The following TAFA1 variants were observed in gnomAD, a reference collection of about 807,000 sequenced individuals.
TAFA1 encodes chemokine-like protein TAFA-1.
A neutral mutation model predicts 18.5 loss-of-function variants in TAFA1; 4 were observed. The observed-to-expected ratio is 0.22, with a 90% CI of 0.11 to 0.49. TAFA1 has a LOEUF of 0.49. Among genes scored for constraint, TAFA1 ranks in the 20% least tolerant of loss-of-function variants. The pLI is 0.98. For missense variants in TAFA1, 147 were observed against 169.0 expected (o/e 0.87, Z 0.72); for synonymous variants, 56 against 55.2 (o/e 1.01, Z -0.06).
At chr3:68,199,211 G>T (rs1237366398) in intron 2 of TAFA1, among the ~76,000 whole-genome samples, 1 of 151,490 alleles carries the variant, frequency 6.6e-6, no homozygotes, top group African/African-American at 2.4e-5. Context: ...CTGTGTCAAT[G>T]ATTTATTTGT....
intron 3 of TAFA1, among the ~76,000 whole-genome samples, chr3:68,535,795 C>T (rs2073270568): frequency 2.0e-5 from 3 of 151,490 alleles, no homozygotes; most frequent in Admixed American, 2.0e-4. Flanking sequence ...ATGAGCTCTA[C>T]TGGCCATAGT....
At chr3:68,406,421 C>T (rs369066944) in intron 2 of TAFA1, among the ~76,000 whole-genome samples, 2 of 152,280 alleles carry the variant, frequency 1.3e-5, no homozygotes, top group South Asian at 4.1e-4. Context: ...GTAAACATAG[C>T]TATTTTTCTA....
chr3:68,181,806 TC>T (rs1194775854), intron 2 of TAFA1, among the ~76,000 whole-genome samples: 25 of 152,192 alleles, frequency 1.6e-4, no homozygotes, highest in Admixed American at 1.6e-3. Flanking sequence ...TGCAACACTT[TC>T]ATCTGTAAAA....
upstream of TAFA1, among the ~76,000 whole-genome samples, chr3:68,000,031 T>G (rs1263504572): frequency 6.6e-6 from 1 of 152,154 alleles, no homozygotes; most frequent in Non-Finnish European, 1.5e-5. Flanking sequence ...TCAGGCCATC[T>G]GCCCGCCTCG....
intron 2 of TAFA1, among the ~76,000 whole-genome samples, chr3:68,060,661 T>C (rs1490829291): frequency 1.3e-5 from 2 of 152,198 alleles, no homozygotes; most frequent in Non-Finnish European, 2.9e-5. Context: ...GTGGAGAAAC[T>C]GGCCTCCATG....
rs190870041 is a variant in TAFA1 at position 68,004,494 on chromosome 3, C to A, written c.-212C>A. 1.1e-4 allele frequency: 16 copies of A among 152,094 alleles called. No homozygotes were observed. Among genetic ancestry groups the A allele is most frequent in the Non-Finnish European group, 1.8e-4 (12 of 68,016 alleles). The allele number at this position is 152,094 out of a possible 1,614,324, so 9.4% of individuals were successfully genotyped here. ...AACCTTGGCTCCTTTTCTGACAATACAGTCTGAATGAACCCGATGTCTTTT... is the reference window on the plus strand; with the variant it reads ...AACCTTGGCTCCTTTTCTGACAATAAAGTCTGAATGAACCCGATGTCTTTT... On this transcript the variant is annotated 5_prime_UTR_variant, in exon 1 of 5. Coordinates refer to ENST00000478136, the MANE Select transcript of TAFA1 (RefSeq NM_213609.4).
At chr3:68,122,507 A>G (rs2065413141) in intron 2 of TAFA1, among the ~76,000 whole-genome samples, 1 of 152,224 alleles carries the variant, frequency 6.6e-6, no homozygotes, top group South Asian at 2.1e-4. Flanking sequence ...CTAGATGTAA[A>G]TGTGCAACTT....
At chr3:68,416,190 C>T (rs1037726713) in intron 2 of TAFA1, among the ~76,000 whole-genome samples, 1 of 152,154 alleles carries the variant, frequency 6.6e-6, no homozygotes, top group Admixed American at 6.6e-5. Context: ...ACACAGTTCT[C>T]AGAGGACAGG....
At chr3:68,065,167 G>A (rs2064657667) in intron 2 of TAFA1, among the ~76,000 whole-genome samples, 1 of 152,182 alleles carries the variant, frequency 6.6e-6, no homozygotes, top group Non-Finnish European at 1.5e-5. Context: ...CAGACAGAGA[G>A]CGACTAACTA....
chr3:68,423,940 T>C (rs2071007223), intron 3 of TAFA1, among the ~76,000 whole-genome samples: 1 of 152,028 alleles, frequency 6.6e-6, no homozygotes, highest in East Asian at 1.9e-4. Flanking sequence ...GACTGATTAC[T>C]AGCAACCTTC....
intron 2 of TAFA1, among the ~76,000 whole-genome samples, chr3:68,120,805 A>G (rs904208133): frequency 6.6e-6 from 1 of 152,188 alleles, no homozygotes; most frequent in African/African-American, 2.4e-5. Flanking sequence ...GGATCTCCTC[A>G]GGGGATTTCA....
At chr3:68,146,021 G>C (rs1553645189) in intron 2 of TAFA1, among the ~76,000 whole-genome samples, 1 of 152,120 alleles carries the variant, frequency 6.6e-6, no homozygotes. Context: ...GATTTTATCA[G>C]TTTTTTCCAT....
At chr3:68,147,667 A>G (rs1437814019) in intron 2 of TAFA1, among the ~76,000 whole-genome samples, 1 of 152,040 alleles carries the variant, frequency 6.6e-6, no homozygotes, top group Non-Finnish European at 1.5e-5. Flanking sequence ...CAATTTTCTG[A>G]AACACTTGAA....
chr3:68,257,920 C>G (rs185332208), intron 2 of TAFA1, among the ~76,000 whole-genome samples: 1 of 152,184 alleles, frequency 6.6e-6, no homozygotes, highest in East Asian at 1.9e-4. Flanking sequence ...ATAACCCCAG[C>G]CTAACTATAA....
chr3:68,439,418 T>TATATATATATACATAC (rs2071329838), intron 3 of TAFA1, among the ~76,000 whole-genome samples: 1 of 101,144 alleles, frequency 9.9e-6, no homozygotes, highest in South Asian at 3.2e-4. Context: ...CATACATATA[T>TATATATATATACATAC]ATATATATAT....
At chr3:68,310,382 G>GAATT (rs1484114018) in intron 2 of TAFA1, among the ~76,000 whole-genome samples, 10 of 152,190 alleles carry the variant, frequency 6.6e-5, no homozygotes, top group Middle Eastern at 3.4e-3. Flanking sequence ...TTTTTCTGGT[G>GAATT]AATTATTGCC....
At chr3:68,537,819 T>C (rs1227633023) in intron 3 of TAFA1, among the ~76,000 whole-genome samples, 1 of 152,228 alleles carries the variant, frequency 6.6e-6, no homozygotes, top group Non-Finnish European at 1.5e-5. Flanking sequence ...ATTGTTTTAA[T>C]TGCCTGTGGG....
chr3:68,424,082 TA>T (rs201083359), intron 3 of TAFA1, among the ~76,000 whole-genome samples: 2 of 151,840 alleles, frequency 1.3e-5, no homozygotes, highest in African/African-American at 2.4e-5. Context: ...AACAAACAAA[TA>T]AAAAAACCCT....
chr3:68,206,866 T>C (rs1021021711), intron 2 of TAFA1, among the ~76,000 whole-genome samples: 1 of 151,906 alleles, frequency 6.6e-6, no homozygotes, highest in African/African-American at 2.4e-5. Flanking sequence ...AATATGCTGA[T>C]TGGCTAGACC....
Sources: gnomAD v4.1 joint callset for allele counts (sites outside exome capture counted in the v4.1 genomes callset) on GRCh38, gnomAD v4.1.1 for gene constraint, MANE v1.5 for transcripts, NCBI Gene and HGNC (gene_info 2026-07-23, HGNC 2026-07-21) for gene names.